The following CENPP variants were observed in gnomAD, a reference collection of about 807,000 sequenced individuals.
CENPP encodes the protein centromere protein P.
CENPP carries 24 observed loss-of-function variants against 35.6 expected under a neutral mutation model. The ratio of observed to expected loss-of-function variants is 0.67; its 90% CI spans 0.49 to 0.95. The LOEUF is 0.95. CENPP is among the 40% of genes least tolerant of loss of function. The pLI is 0.00. For missense variants in CENPP, 332 were observed against 345.3 expected (o/e 0.96, Z 0.31); for synonymous variants, 120 against 125.5 (o/e 0.96, Z 0.29).
intron 5 of CENPP, among the ~76,000 whole-genome samples, chr9:92,390,333 C>G (rs1415348125): frequency 6.6e-6 from 1 of 152,126 alleles, no homozygotes; most frequent in African/African-American, 2.4e-5. Flanking sequence ...TGTTCAAATT[C>G]CTTGGGATGG....
intron 5 of CENPP, among the ~76,000 whole-genome samples, chr9:92,452,971 C>G (rs1221602335): frequency 6.6e-6 from 1 of 152,066 alleles, no homozygotes. Flanking sequence ...TTTATTGCGT[C>G]TATTTGAATC....
At chr9:92,565,790 C>T (rs556935489) in intron 5 of CENPP, among the ~76,000 whole-genome samples, 1 of 152,244 alleles carries the variant, frequency 6.6e-6, no homozygotes, top group South Asian at 2.1e-4. Context: ...AAAGTGACCA[C>T]ATATGCTCAG....
rs889141776 is a variant in CENPP, at chr9:92,357,851, A to G, written c.467+12064A>G. On this transcript the variant is annotated intron_variant, in intron 4 of 7. Coordinates refer to ENST00000375587, the MANE Select transcript of CENPP (RefSeq NM_001012267.3). ...GCAGAATAGAAAATTCTTGGTTGACAGATTTTTTTTTTTCTTTTAGCACTT... is the reference window on the plus strand; with the variant it reads ...GCAGAATAGAAAATTCTTGGTTGACGGATTTTTTTTTTTCTTTTAGCACTT... Among the ~76,000 whole-genome samples, 7 of 116,724 alleles carry G rather than the reference A, an allele frequency of 6.0e-5. No individual in the cohort carries two copies. In the East Asian group the frequency reaches 1.2e-3, roughly 20 times the overall value. The allele number at this position is 116,724 out of a possible 152,430, so 76.6% of individuals were successfully genotyped here.
intron 5 of CENPP, among the ~76,000 whole-genome samples, chr9:92,571,429 A>C (rs1162849444): frequency 2.6e-5 from 4 of 152,196 alleles, no homozygotes; most frequent in Non-Finnish European, 4.4e-5. Context: ...GTTTGATTGC[A>C]CTGTGGTCTG....
chr9:92,602,937 G>C (rs2038686), intron 5 of CENPP, among the ~76,000 whole-genome samples: 42,882 of 151,620 alleles, frequency 0.28, 6,875 homozygotes, highest in East Asian at 0.71. Context: ...ATTACAGATG[G>C]GCGCCACCAC....
intron 5 of CENPP, among the ~76,000 whole-genome samples, chr9:92,435,787 A>G (rs560968952): frequency 1.5e-4 from 23 of 152,332 alleles, no homozygotes; most frequent in Admixed American, 7.8e-4. Flanking sequence ...AAATGGATGT[A>G]CCATAGTTGG....
chr9:92,434,873 G>A (rs757876062), intron 5 of CENPP, among the ~76,000 whole-genome samples: 6 of 152,020 alleles, frequency 3.9e-5, no homozygotes, highest in African/African-American at 7.2e-5. Context: ...CCGACATGGC[G>A]AAACCCCATC....
chr9:92,612,965 G>A (rs1851311681), intron 7 of CENPP, 54 bp from the exon 8 acceptor site: 3 of 1,609,946 alleles, frequency 1.9e-6, no homozygotes, highest in Non-Finnish European at 2.5e-6. Context: ...GAAAACAAAA[G>A]ACCAAAAGCT....
At chr9:92,564,986 A>G (rs1044054335) in intron 5 of CENPP, among the ~76,000 whole-genome samples, 3 of 152,202 alleles carry the variant, frequency 2.0e-5, no homozygotes, top group African/African-American at 7.2e-5. Flanking sequence ...TGTAGTGTAT[A>G]AAGTAGTTAA....
At chr9:92,466,333 T>A in intron 5 of CENPP, 1 of 1,371,428 alleles carries the variant, frequency 7.3e-7, no homozygotes, top group Non-Finnish European at 1.0e-6. Flanking sequence ...AATTTCAAGA[T>A]GTCCCATTCA....
At chr9:92,590,194 T>C (rs914621292) in intron 5 of CENPP, among the ~76,000 whole-genome samples, 1 of 152,248 alleles carries the variant, frequency 6.6e-6, no homozygotes, top group Admixed American at 6.5e-5. Context: ...TTTCAGAGGC[T>C]TTAATTATAT....
chr9:92,385,639 G>A (rs1410165740), intron 5 of CENPP: 5 of 1,613,834 alleles, frequency 3.1e-6, no homozygotes, highest in Admixed American at 1.7e-5. Flanking sequence ...TGACCCTATC[G>A]GTAATCTTTT....
intron 5 of CENPP, among the ~76,000 whole-genome samples, chr9:92,404,221 CAA>C (rs1415919772): frequency 2.0e-5 from 3 of 152,114 alleles, no homozygotes; most frequent in Non-Finnish European, 4.4e-5. Context: ...CAGAATCACT[CAA>C]GAGTTGCTGA....
At chr9:92,546,975 C>A (rs1046726489) in intron 5 of CENPP, among the ~76,000 whole-genome samples, 2 of 152,022 alleles carry the variant, frequency 1.3e-5, no homozygotes, top group Non-Finnish European at 2.9e-5. Flanking sequence ...CTGACAGGGA[C>A]GTCAGAAGGA....
chr9:92,460,977 C>A (rs1845087475), intron 5 of CENPP, among the ~76,000 whole-genome samples: 1 of 152,204 alleles, frequency 6.6e-6, no homozygotes, highest in African/African-American at 2.4e-5. Flanking sequence ...CCACACCCAG[C>A]CTGGTACCTA....
chr9:92,373,618 G>T (rs935324691), intron 4 of CENPP, among the ~76,000 whole-genome samples: 1 of 152,096 alleles, frequency 6.6e-6, no homozygotes, highest in Non-Finnish European at 1.5e-5. Context: ...ATGAGGTCAA[G>T]AGATCAAGAC....
chr9:92,587,399 G>A (rs1850565941), intron 5 of CENPP, among the ~76,000 whole-genome samples: 1 of 152,112 alleles, frequency 6.6e-6, no homozygotes, highest in Non-Finnish European at 1.5e-5. Flanking sequence ...AACCTGGGAG[G>A]TGGAGGTTGT....
intron 5 of CENPP, among the ~76,000 whole-genome samples, chr9:92,387,059 A>G (rs1444878236): frequency 6.7e-6 from 1 of 149,510 alleles, no homozygotes; most frequent in East Asian, 2.0e-4. Context: ...AAAAGAAAAA[A>G]AAAAAAAAAA....
At chr9:92,585,883 C>T (rs933514878) in intron 5 of CENPP, among the ~76,000 whole-genome samples, 3 of 152,150 alleles carry the variant, frequency 2.0e-5, no homozygotes, top group Non-Finnish European at 4.4e-5. Context: ...GTGTAGCTTG[C>T]TTGGTACAAA....
Sources: gnomAD v4.1 joint callset for allele counts (sites outside exome capture counted in the v4.1 genomes callset) on GRCh38, gnomAD v4.1.1 for gene constraint, MANE v1.5 for transcripts, NCBI Gene and HGNC (gene_info 2026-07-23, HGNC 2026-07-21) for gene names.